Variants in CCZ1 observed in about 807,000 individuals in gnomAD.
CCZ1 encodes the protein CCZ1 vacuolar protein trafficking and biogenesis associated.
Under a neutral mutation model 57.8 loss-of-function variants are expected in CCZ1, and 19 were observed. That is an observed-to-expected ratio of 0.33 (90% CI 0.23 to 0.48). The LOEUF is 0.48. Among genes scored for constraint, CCZ1 ranks in the 20% least tolerant of loss-of-function variants. The pLI, the probability that CCZ1 is intolerant of heterozygous loss-of-function variation, is 0.99. For missense variants in CCZ1, 200 were observed against 492.0 expected (o/e 0.41, Z 5.61); for synonymous variants, 81 against 167.0 (o/e 0.49, Z 3.97).
At position 5,900,209 on chromosome 7, in the gene CCZ1, A is replaced by G; in HGVS notation, c.121-75A>G. 5 of 1,410,206 alleles carry G rather than the reference A, an allele frequency of 3.5e-6. No individual in the cohort carries two copies. The South Asian group carries it at 7.3e-5, about 21-fold the overall frequency. The allele number at this position is 1,410,206 out of a possible 1,614,324, so 87.4% of individuals were successfully genotyped here. On this transcript the variant is annotated intron_variant, in intron 1 of 14. Coordinates refer to ENST00000325974, the MANE Select transcript of CCZ1 (RefSeq NM_015622.6). The stretch of plus-strand genomic sequence containing the variant: ...AGCATGTGTGACACAAGAGGTCGAC[A>G]TTGAACTTAGCGTTTTCAATAGCTA...
chr7:5,920,207 C>CA (rs201812211), intron 12 of CCZ1, among the ~76,000 whole-genome samples: 30,794 of 115,326 alleles, frequency 0.27, 986 homozygotes, highest in South Asian at 0.33. Context: ...CTCAGCTCCC[C>CA]CCGAATGGAA....
Sources: allele counts gnomAD v4.1 joint callset (sites outside exome capture counted in the v4.1 genomes callset), GRCh38; gene constraint gnomAD v4.1.1; transcripts MANE v1.5; gene names NCBI Gene and HGNC (gene_info 2026-07-23, HGNC 2026-07-21).